TAFA2: variants seen among roughly 807,000 people sequenced by gnomAD.
The protein encoded by TAFA2 is TAFA chemokine like family member 2.
TAFA2 carries 7 observed loss-of-function variants against 18.8 expected under a neutral mutation model. The ratio of observed to expected loss-of-function variants is 0.37; its 90% CI spans 0.21 to 0.70. The LOEUF (loss-of-function observed/expected upper bound fraction) is 0.70. Ranked by LOEUF, TAFA2 falls within the 30% of genes least tolerant of loss-of-function variation. The pLI is 0.53. For synonymous variants in TAFA2, 60 were observed against 54.2 expected (o/e 1.11, Z -0.47); for missense variants, 122 against 158.1 (o/e 0.77, Z 1.23).
At chr12:61,860,422 T>C (rs545402383) in intron 2 of TAFA2, among the ~76,000 whole-genome samples, 6 of 152,332 alleles carry the variant, frequency 3.9e-5, no homozygotes, top group Admixed American at 3.3e-4. Context: ...AAATCAGTGC[T>C]CTTAAACTTT....
upstream of TAFA2, among the ~76,000 whole-genome samples, chr12:62,194,301 TCA>T (rs60670024): frequency 0.094 from 13,776 of 145,916 alleles, 690 homozygotes; most frequent in Middle Eastern, 0.19. Context: ...GGCTTTCTTT[TCA>T]CACACACACA....
intron 1 of TAFA2, among the ~76,000 whole-genome samples, chr12:62,178,433 G>A (rs932967812): frequency 6.6e-6 from 1 of 152,128 alleles, no homozygotes; most frequent in South Asian, 2.1e-4. Context: ...GGAAACAAAG[G>A]TTTACTTTGA....
intron 2 of TAFA2, among the ~76,000 whole-genome samples, chr12:61,863,651 G>C (rs1874221058): frequency 6.6e-6 from 1 of 152,200 alleles, no homozygotes; most frequent in Admixed American, 6.5e-5. Flanking sequence ...TGAGAAGCAG[G>C]TGGATCTGAG....
At chr12:62,117,523 T>C (rs535381745) in intron 1 of TAFA2, among the ~76,000 whole-genome samples, 3 of 152,268 alleles carry the variant, frequency 2.0e-5, no homozygotes, top group Admixed American at 2.0e-4. Context: ...AACAGATGTG[T>C]TTAGGCTGAT....
At chr12:61,976,447 C>A (rs895372119) in intron 1 of TAFA2, among the ~76,000 whole-genome samples, 2 of 151,874 alleles carry the variant, frequency 1.3e-5, no homozygotes, top group African/African-American at 4.8e-5. Flanking sequence ...ATAATGAACT[C>A]TCCTAACAAA....
chr12:61,784,883 A>C (rs946069859), intron 2 of TAFA2, among the ~76,000 whole-genome samples: 6 of 151,442 alleles, frequency 4.0e-5, no homozygotes, highest in Non-Finnish European at 8.9e-5. Flanking sequence ...TGATGTTTCC[A>C]TACATACAAT....
rs544257940 is a variant in TAFA2 at position 61,838,713 on chromosome 12, G to A, written c.106+28607C>T. On this transcript the variant is annotated intron_variant, in intron 2 of 4. Transcript: ENST00000416284. ...CTTTCCAGGCATTTATTAAAAGTTC[G>A]ACAAATATTTTTGAGCACCTATTGT... is the stretch of plus-strand genomic sequence containing the variant. 9.2e-5 allele frequency among the ~76,000 whole-genome samples: 14 copies of A among 152,136 alleles called. No homozygotes were observed. In the East Asian group the frequency reaches 2.5e-3, roughly 27 times the overall value.
chr12:61,875,705 A>G (rs1874813987), intron 1 of TAFA2, among the ~76,000 whole-genome samples: 1 of 152,136 alleles, frequency 6.6e-6, no homozygotes, highest in Non-Finnish European at 1.5e-5. Context: ...CTTGTTTTAT[A>G]TTTGCCCTCT....
intron 2 of TAFA2, among the ~76,000 whole-genome samples, chr12:61,770,075 C>A (rs534972626): frequency 6.6e-6 from 1 of 151,794 alleles, no homozygotes; most frequent in South Asian, 2.1e-4. Flanking sequence ...AGGAAGGACA[C>A]AATTAGAGAA....
intron 1 of TAFA2, among the ~76,000 whole-genome samples, chr12:62,257,162 A>ATATGTATATATACACAATGTG (rs2062943763): frequency 3.9e-5 from 2 of 50,916 alleles, no homozygotes; most frequent in Non-Finnish European, 8.4e-5. Flanking sequence ...ATACATATAT[A>ATATGTATATATACACAATGTG]TGTGTGTGTG....
At chr12:62,250,280 A>G (rs1407472261) in intron 1 of TAFA2, among the ~76,000 whole-genome samples, 1 of 152,206 alleles carries the variant, frequency 6.6e-6, no homozygotes, top group Non-Finnish European at 1.5e-5. Context: ...GGCATATACT[A>G]TAACTGATGA....
At chr12:61,888,777 G>C (rs1875501171) in intron 1 of TAFA2, among the ~76,000 whole-genome samples, 2 of 152,158 alleles carry the variant, frequency 1.3e-5, no homozygotes, top group Admixed American at 1.3e-4. Flanking sequence ...TTTCAGAGTG[G>C]ACTGACATGT....
intron 1 of TAFA2, among the ~76,000 whole-genome samples, chr12:62,056,468 C>T (rs1882190587): frequency 6.6e-6 from 1 of 152,192 alleles, no homozygotes; most frequent in Admixed American, 6.5e-5. Context: ...TTGTACATGG[C>T]ATAACCAGTC....
intron 1 of TAFA2, among the ~76,000 whole-genome samples, chr12:62,066,930 A>G (rs530218448): frequency 1.2e-3 from 181 of 152,218 alleles, no homozygotes; most frequent in African/African-American, 4.1e-3. Context: ...CATTCCTACC[A>G]ACAGTGTAGA....
intron 1 of TAFA2, among the ~76,000 whole-genome samples, chr12:62,011,281 G>A (rs1880756685): frequency 6.6e-6 from 1 of 152,146 alleles, no homozygotes; most frequent in African/African-American, 2.4e-5. Flanking sequence ...GGGCCATGAT[G>A]ACGATGGCGG....
intron 1 of TAFA2, among the ~76,000 whole-genome samples, chr12:62,000,763 G>A (rs185309765): frequency 5.3e-5 from 8 of 152,296 alleles, no homozygotes; most frequent in South Asian, 2.1e-4. Context: ...TGCAAATAAC[G>A]TATTGTCTTT....
chr12:62,228,038 T>C (rs1292442189), intron 1 of TAFA2, among the ~76,000 whole-genome samples: 2 of 152,226 alleles, frequency 1.3e-5, no homozygotes, highest in African/African-American at 4.8e-5. Flanking sequence ...TTACTTTGTA[T>C]ATACACATAC....
intron 1 of TAFA2, among the ~76,000 whole-genome samples, chr12:62,066,889 A>G (rs1255588898): frequency 6.6e-6 from 1 of 151,986 alleles, no homozygotes; most frequent in Non-Finnish European, 1.5e-5. Context: ...GGAACCTCCA[A>G]CCTGCTCTCT....
chr12:61,940,506 A>G (rs1355967557), intron 1 of TAFA2, among the ~76,000 whole-genome samples: 1 of 152,178 alleles, frequency 6.6e-6, no homozygotes, highest in Non-Finnish European at 1.5e-5. Context: ...GAGAGGCCTT[A>G]CTCTGCACAA....
Sources: gnomAD v4.1 joint callset for allele counts (sites outside exome capture counted in the v4.1 genomes callset) on GRCh38, gnomAD v4.1.1 for gene constraint, MANE v1.5 for transcripts, NCBI Gene and HGNC (gene_info 2026-07-23, HGNC 2026-07-21) for gene names.